The following WDPCP variants were observed in gnomAD, a reference collection of about 807,000 sequenced individuals.
The protein encoded by WDPCP is WD repeat-containing and planar cell polarity effector protein fritz homolog.
In WDPCP, 71 loss-of-function variants were observed where a neutral mutation model predicts 93.1. The ratio of observed to expected loss-of-function variants is 0.76; its 90% CI spans 0.63 to 0.93. The LOEUF (loss-of-function observed/expected upper bound fraction) is 0.93. Ranked by LOEUF, WDPCP falls within the 40% of genes least tolerant of loss-of-function variation. The probability of loss-of-function intolerance (pLI) is 0.00; values close to 1 mark genes in which losing one functional copy is unlikely to be tolerated. For missense variants in WDPCP, 844 were observed against 887.4 expected (o/e 0.95, Z 0.62); for synonymous variants, 315 against 315.0 (o/e 1.00, Z 0.00).
At chr2:63,709,057 C>CAA (rs953764802) in intron 2 of WDPCP, among the ~76,000 whole-genome samples, 32 of 12,082 alleles carry the variant, frequency 2.6e-3, no homozygotes, top group Non-Finnish European at 3.3e-3. Context: ...CCTGTCTCTA[C>CAA]AAAAAAAAAA....
In WDPCP at chr2:63,584,396, T is replaced by TC. The variant is rs1708704564; in HGVS notation, c.75+3800_75+3801insG. ...TTTTTATAAAAATTAAATCATAATG[T>TC]ATATATTATTATATGGTTTGCTTTT... On this transcript the variant is annotated intron_variant, in intron 1 of 17. Transcript: ENST00000272321. Among the ~76,000 whole-genome samples, 7 of 152,286 alleles carry TC rather than the reference T, an allele frequency of 4.6e-5. No homozygotes were observed. In the South Asian group the frequency reaches 1.5e-3, roughly 32 times the overall value.
chr2:63,259,795 C>G (rs1681468070), intron 13 of WDPCP, among the ~76,000 whole-genome samples: 1 of 152,118 alleles, frequency 6.6e-6, no homozygotes, highest in Non-Finnish European at 1.5e-5. Context: ...GGATACTAAA[C>G]AGATTTGTTG....
chr2:63,299,431 G>A (rs1231626338), intron 13 of WDPCP, among the ~76,000 whole-genome samples: 1 of 152,168 alleles, frequency 6.6e-6, no homozygotes, highest in African/African-American at 2.4e-5. Flanking sequence ...AAAAGGAAGG[G>A]ATTTGTGGAG....
chr2:63,522,495 C>CACAA (rs1209384671), intron 1 of WDPCP, among the ~76,000 whole-genome samples: 2 of 149,852 alleles, frequency 1.3e-5, no homozygotes, highest in Non-Finnish European at 3.0e-5. Context: ...CACACACACA[C>CACAA]AAACATACAA....
At chr2:63,465,309 C>CA (rs1157024396) in intron 6 of WDPCP, among the ~76,000 whole-genome samples, 4 of 151,940 alleles carry the variant, frequency 2.6e-5, no homozygotes, top group Non-Finnish European at 2.9e-5. Context: ...GTAACTTCCC[C>CA]AAAGTCACAC....
intron 6 of WDPCP, among the ~76,000 whole-genome samples, chr2:63,464,452 A>T (rs1394641785): frequency 1.3e-5 from 2 of 152,192 alleles, no homozygotes; most frequent in African/African-American, 2.4e-5. Context: ...AAAATGGTGC[A>T]ACCACTATGA....
At position 63,381,890 on chromosome 2, in the gene WDPCP, A is replaced by G; in HGVS notation, c.1624+16T>C. On this transcript the variant is annotated intron_variant, in intron 11 of 17. Transcript: ENST00000272321. ...TATATACAAAACTCATCAATGAAAAATATTTCAAGTCTGACCTTCTCTCTC... is the reference window on the plus strand; with the variant it reads ...TATATACAAAACTCATCAATGAAAAGTATTTCAAGTCTGACCTTCTCTCTC... 3.7e-6 allele frequency: 6 copies of G among 1,613,074 alleles called. No individual in the cohort carries two copies. The highest frequency in any genetic ancestry group is 5.1e-6 in the Non-Finnish European group (6 of 1,179,476).
chr2:63,234,132 TA>T, intron 14 of WDPCP, among the ~76,000 whole-genome samples: 1 of 152,294 alleles, frequency 6.6e-6, no homozygotes, highest in African/African-American at 2.4e-5. Flanking sequence ...CAGTAAATAC[TA>T]AATAAGGGTG....
chr2:63,791,164 C>T (rs1670539097), intron 2 of WDPCP, among the ~76,000 whole-genome samples: 1 of 152,100 alleles, frequency 6.6e-6, no homozygotes, highest in African/African-American at 2.4e-5. Context: ...CATTTAGCCC[C>T]ACATATAATT....
rs562027204 is a variant in WDPCP, at chr2:63,826,491, T to C, written n.222+1131A>G. Among the ~76,000 whole-genome samples, 17 of 152,282 alleles carry C rather than the reference T, an allele frequency of 1.1e-4. No homozygotes were observed. The South Asian group carries it at 3.5e-3, about 32-fold the overall frequency. Reference sequence around the variant, plus strand: ...ACTTTTAGTTCTTTTTTCTCTTTTATATTTATGAAAATTAATTCCACTAAC... The same window carrying C: ...ACTTTTAGTTCTTTTTTCTCTTTTACATTTATGAAAATTAATTCCACTAAC... On this transcript the variant is annotated intron_variant and non_coding_transcript_variant, in intron 1 of 4. Transcript: ENST00000467687.
intron 2 of WDPCP, among the ~76,000 whole-genome samples, chr2:63,749,426 G>A (rs1274093389): frequency 1.3e-5 from 2 of 151,994 alleles, no homozygotes; most frequent in Non-Finnish European, 2.9e-5. Context: ...ATAATTTTTT[G>A]ACTTTATAGT....
chr2:63,205,528 T>C (rs7422472), intron 14 of WDPCP, among the ~76,000 whole-genome samples: 2 of 152,224 alleles, frequency 1.3e-5, no homozygotes, highest in African/African-American at 2.4e-5. Flanking sequence ...GTTTTCATTA[T>C]ACAGATCTTT....
intron 1 of WDPCP, among the ~76,000 whole-genome samples, chr2:63,494,882 T>C (rs1454082553): frequency 7.2e-6 from 1 of 138,286 alleles, no homozygotes; most frequent in African/African-American, 2.8e-5. Context: ...ATCGCGCCAC[T>C]GCACTCCAGC....
At chr2:63,702,752 G>A (rs907011916) in intron 2 of WDPCP, among the ~76,000 whole-genome samples, 1 of 150,734 alleles carries the variant, frequency 6.6e-6, no homozygotes, top group Non-Finnish European at 1.5e-5. Flanking sequence ...TTAAGTTTTA[G>A]GGTACATGTG....
chr2:63,312,512 G>T (rs1430987550), intron 13 of WDPCP, among the ~76,000 whole-genome samples: 1 of 152,222 alleles, frequency 6.6e-6, no homozygotes, highest in African/African-American at 2.4e-5. Context: ...CCTTCTAGAA[G>T]TATTTCTTCT....
At chr2:63,511,715 A>G (rs1267168870) in intron 1 of WDPCP, among the ~76,000 whole-genome samples, 4 of 152,182 alleles carry the variant, frequency 2.6e-5, no homozygotes, top group Admixed American at 6.6e-5. Context: ...CTGAAACTGG[A>G]CCACTTCCTT....
chr2:63,474,453 C>T (rs993897442), intron 6 of WDPCP, among the ~76,000 whole-genome samples: 1 of 151,950 alleles, frequency 6.6e-6, no homozygotes, highest in African/African-American at 2.4e-5. Context: ...ATAGAATTGC[C>T]CTCCAATTGG....
chr2:63,626,022 G>A (rs1049426771), intron 3 of WDPCP, among the ~76,000 whole-genome samples: 4 of 152,094 alleles, frequency 2.6e-5, no homozygotes, highest in Non-Finnish European at 5.9e-5. Context: ...TGAGGCCTTA[G>A]AAATAAGGCC....
At chr2:63,242,371 GGATTTCTTTT>G (rs1183163173) in intron 14 of WDPCP, among the ~76,000 whole-genome samples, 1 of 152,060 alleles carries the variant, frequency 6.6e-6, no homozygotes, top group Admixed American at 6.6e-5. Context: ...TCTTTGAAAA[GGATTTCTTTT>G]ATATTTTCAT....
Sources: gnomAD v4.1 joint callset for allele counts (sites outside exome capture counted in the v4.1 genomes callset) on GRCh38, gnomAD v4.1.1 for gene constraint, MANE v1.5 for transcripts, NCBI Gene and HGNC (gene_info 2026-07-23, HGNC 2026-07-21) for gene names.